LRP5: variants seen among roughly 807,000 people sequenced by gnomAD.
LRP5 encodes the protein LDL receptor related protein 5, also known as low-density lipoprotein receptor-related protein 5.
Under a neutral mutation model 154.1 loss-of-function variants are expected in LRP5, and 62 were observed. The ratio of observed to expected loss-of-function variants is 0.40; its 90% CI spans 0.33 to 0.50. LRP5 has a LOEUF of 0.50. Among genes scored for constraint, LRP5 ranks in the 20% least tolerant of loss-of-function variants. The pLI, the probability that LRP5 is intolerant of heterozygous loss-of-function variation, is 0.55. For missense variants in LRP5, 1,915 were observed against 2,336.7 expected (o/e 0.82, Z 3.72); for synonymous variants, 966 against 1,011.5 (o/e 0.96, Z 0.85).
rs11607268 is a variant in LRP5 at position 68,426,160 on chromosome 11, G to A, written c.3610G>A (p.Val1204Met). ...CGCCCACCTCACTGGCATCCATGCAGTGGAGGAAGTCAGCCTGGAGGAGTT... is the reference window on the plus strand; with the variant it reads ...CGCCCACCTCACTGGCATCCATGCAATGGAGGAAGTCAGCCTGGAGGAGTT... ...RVAHLTGIHA[V>M]EEVSLEEFSA... The change falls in exon 16 of 23, where the codon GTG (valine) becomes ATG (methionine). Residue 1204 changes from valine to methionine, a missense_variant. This residue lies in a region of LRP5 where 1,094 missense variants were observed against 1,210.1 expected (regional missense o/e 0.90). Coordinates refer to ENST00000294304, the MANE Select transcript of LRP5 (RefSeq NM_002335.4). 3 of 1,612,304 alleles carry A rather than the reference G, an allele frequency of 1.9e-6. No individual in the cohort carries two copies. Among genetic ancestry groups the A allele is most frequent in the African/African-American group, 1.3e-5 (1 of 74,940 alleles).
At chr11:68,326,967 G>A (rs1224656657) in intron 1 of LRP5, among the ~76,000 whole-genome samples, 2 of 152,226 alleles carry the variant, frequency 1.3e-5, no homozygotes, top group African/African-American at 4.8e-5. Flanking sequence ...TGAGGAGAAC[G>A]TGGACTTTGC....
At chr11:68,435,385 C>T (rs1048476462) in intron 18 of LRP5, among the ~76,000 whole-genome samples, 4 of 152,190 alleles carry the variant, frequency 2.6e-5, no homozygotes, top group Non-Finnish European at 5.9e-5. Context: ...GTATGGCACC[C>T]GCATCTGCTC....
chr11:68,441,963 A>G (rs1054604050), intron 21 of LRP5, among the ~76,000 whole-genome samples: 3 of 152,250 alleles, frequency 2.0e-5, no homozygotes, highest in Non-Finnish European at 4.4e-5. Flanking sequence ...AAGATACAGA[A>G]GAGTCTGCAG....
Position 68,438,539 on chromosome 11 carries a change from G to C in LRP5, c.4205G>C (p.Gly1402Ala). The change falls in exon 20 of 23, where the codon GGT becomes GCT. Residue 1402 changes from glycine to alanine, a missense_variant. Gly to Ala is a moderately conservative substitution (Grantham distance 60). Around this residue, in one of 3 missense-constraint regions of LRP5, gnomAD observed 1,094 missense variants for 1,210.1 expected, o/e 0.90. Transcript: ENST00000294304. ...ATCCTCTCTCTCTTCGTCATGGGTG[G>C]TGTCTATTTTGTGTGCCAGCGCGTG... ...GIILSLFVMG[G>A]VYFVCQRVVC... 6.2e-7 allele frequency: 1 copy of C among 1,614,224 alleles called. No individual in the cohort carries two copies. Among genetic ancestry groups the C allele is most frequent in the Non-Finnish European group, 8.5e-7 (1 of 1,180,042 alleles).
At chr11:68,446,180 AGGTACTTGGAAGGGCGCGGGCACCT>A (rs1166736790) in intron 21 of LRP5, among the ~76,000 whole-genome samples, 2 of 152,214 alleles carry the variant, frequency 1.3e-5, no homozygotes, top group East Asian at 3.9e-4. Context: ...GTCACAAGGC[AGGTACTTGGAAGGGCGCGGGCACCT>A]GGGCCAAAAG....
chr11:68,424,289 G>T (rs1020345230), intron 14 of LRP5, among the ~76,000 whole-genome samples: 3 of 152,214 alleles, frequency 2.0e-5, no homozygotes, highest in Non-Finnish European at 2.9e-5. Flanking sequence ...GCATGAAGAC[G>T]GGAGCTACAG....
At chr11:68,398,023 C>T (rs1023797463) in intron 7 of LRP5, among the ~76,000 whole-genome samples, 1 of 97,168 alleles carries the variant, frequency 1.0e-5, no homozygotes, top group African/African-American at 3.1e-5. Flanking sequence ...CGTGCGCGCA[C>T]ATGTGTATAA....
Position 68,429,826 on chromosome 11 carries a change from T to C in LRP5, c.3763+126T>C, listed in dbSNP as rs573345389. On this transcript the variant is annotated intron_variant, in intron 17 of 22. Transcript: ENST00000294304. ...GGCATCCAGTTTCCAAAGCTGATTG[T>C]GTCTTCCTTTGCCCTCCTTTCTTTT... 1.8e-5 allele frequency: 22 copies of C among 1,247,374 alleles called. No homozygotes were observed. The Admixed American group carries it at 2.0e-4, about 11-fold the overall frequency. 77.3% of individuals were successfully genotyped at this position (1,247,374 alleles called of 1,614,324 possible).
At chr11:68,312,204 G>T (rs1310208818), upstream of LRP5, among the ~76,000 whole-genome samples, 1 of 152,190 alleles carries the variant, frequency 6.6e-6, no homozygotes, top group Non-Finnish European at 1.5e-5. Flanking sequence ...GAGAACAAGT[G>T]TCCGGGGCCG....
chr11:68,438,782 C>T, intron 20 of LRP5, 100 bp downstream of exon 20: 1 of 993,304 alleles, frequency 1.0e-6, no homozygotes, highest in Non-Finnish European at 1.5e-6. Context: ...GGCCCTCTTG[C>T]ACATGTGGCA....
intron 21 of LRP5, 21 bp from the exon 22 acceptor site, chr11:68,446,415 C>T (rs1367234668): frequency 3.9e-6 from 6 of 1,558,096 alleles, no homozygotes; most frequent in Middle Eastern, 1.7e-4. Flanking sequence ...CTCTAAGTCA[C>T]CCTGGCTTGG....
chr11:68,348,994 A>G (rs1186196617), intron 2 of LRP5, among the ~76,000 whole-genome samples: 1 of 148,154 alleles, frequency 6.7e-6, no homozygotes, highest in Non-Finnish European at 1.5e-5. Context: ...TGTTGAAGGA[A>G]TTACTTCCCC....
At chr11:68,318,009 TA>T (rs1321171699) in intron 1 of LRP5, among the ~76,000 whole-genome samples, 1 of 152,064 alleles carries the variant, frequency 6.6e-6, no homozygotes, top group African/African-American at 2.4e-5. Flanking sequence ...TTAATATATA[TA>T]TTTTAAACAT....
upstream of LRP5, among the ~76,000 whole-genome samples, chr11:68,309,389 T>C (rs1307788211): frequency 6.6e-6 from 1 of 151,784 alleles, no homozygotes; most frequent in Non-Finnish European, 1.5e-5. Flanking sequence ...CATGCTGCCA[T>C]GCCCAGCTAA....
intron 5 of LRP5, among the ~76,000 whole-genome samples, chr11:68,367,018 C>T (rs376551055): frequency 1.6e-4 from 24 of 152,118 alleles, no homozygotes; most frequent in African/African-American, 4.3e-4. Flanking sequence ...GTGGGGGAGA[C>T]GGCACAAGTG....
At chr11:68,429,734 G>A (rs765218094) in intron 17 of LRP5, 34 bp downstream of exon 17, 11 of 1,613,382 alleles carry the variant, frequency 6.8e-6, no homozygotes, top group Non-Finnish European at 8.5e-6. Context: ...TTGGGGTGAT[G>A]GACAGGTACC....
chr11:68,429,449 C>T, intron 16 of LRP5, 126 bp from the exon 17 acceptor site: 1 of 1,185,252 alleles, frequency 8.4e-7, no homozygotes, highest in Non-Finnish European at 1.2e-6. Flanking sequence ...GAGGATCCTC[C>T]CAGAGAGGCC....
intron 5 of LRP5, among the ~76,000 whole-genome samples, chr11:68,385,833 G>C (rs2098642668): frequency 6.6e-6 from 1 of 152,132 alleles, no homozygotes; most frequent in African/African-American, 2.4e-5. Flanking sequence ...GAGCGATGAA[G>C]TGGCGTCGAG....
upstream of LRP5, among the ~76,000 whole-genome samples, chr11:68,310,259 G>A (rs949716065): frequency 4.6e-5 from 7 of 152,118 alleles, no homozygotes; most frequent in African/African-American, 1.2e-4. Flanking sequence ...AGTGAGCCAC[G>A]AGGCTAAGTG....
Sources: allele counts gnomAD v4.1 joint callset (sites outside exome capture counted in the v4.1 genomes callset), GRCh38; gene constraint gnomAD v4.1.1; regional missense constraint gnomAD v4.1.1; transcripts MANE v1.5; gene names NCBI Gene and HGNC (gene_info 2026-07-23, HGNC 2026-07-21).